LGALS9B: variants seen among roughly 807,000 people sequenced by gnomAD.
The protein encoded by LGALS9B is galectin 9B.
LGALS9B carries 8 observed loss-of-function variants against 35.9 expected under a neutral mutation model. That is an observed-to-expected ratio of 0.22 (90% CI 0.13 to 0.40). LGALS9B has a LOEUF of 0.40. Among genes scored for constraint, LGALS9B ranks in the 10% least tolerant of loss-of-function variants. The probability of loss-of-function intolerance (pLI) is 1.00; values close to 1 mark genes in which losing one functional copy is unlikely to be tolerated. For synonymous variants in LGALS9B, 42 were observed against 148.6 expected (o/e 0.28, Z 5.22); for missense variants, 101 against 397.9 (o/e 0.25, Z 6.35).
chr17:20,465,966 C>T (rs1283867267), intron 1 of LGALS9B, among the ~76,000 whole-genome samples: 1 of 147,784 alleles, frequency 6.8e-6, no homozygotes, highest in Non-Finnish European at 1.5e-5. Flanking sequence ...CTCCAAGGCC[C>T]CGCTTTAACT....
In LGALS9B at chr17:20,451,492, G is replaced by C. The variant is rs776708602; in HGVS notation, c.913C>G (p.Gln305Glu). ...CTGCGGCGCCTTACCGAGAAGCTCT[G>C]GCCTCGGACGAAGGGCATTTTTCGG... ...LPRKMPFVRG[Q>E]SFSVWILCEA... Residue 305 changes from glutamine (Q) to glutamate (E), a missense_variant, in exon 10 of 11, where the codon CAG (glutamine) becomes GAG (glutamate). Transcript: ENST00000423676. 4.6e-6 allele frequency: 7 copies of C among 1,524,894 alleles called. No homozygotes were observed. The East Asian group carries it at 1.6e-4, about 35-fold the overall frequency. 94.5% of individuals were successfully genotyped at this position (1,524,894 alleles called of 1,614,324 possible).
Position 20,455,467 on chromosome 17 carries a change from G to A in LGALS9B, c.445-69C>T. The A allele has an allele frequency of 1.8e-6, 2 of 1,109,616 alleles. 1 individual carries two copies. The highest frequency in any genetic ancestry group is 2.6e-6 in the Non-Finnish European group (2 of 769,368). 68.7% of individuals were successfully genotyped at this position (1,109,616 alleles called of 1,614,324 possible). A position where few individuals can be genotyped will look rare whatever the true frequency, so the allele number is the denominator to read the frequency against. On this transcript the variant is annotated intron_variant, in intron 4 of 10. Transcript: ENST00000423676. The stretch of plus-strand genomic sequence containing the variant: ...AGAGCCAAGGAGAAGCCGAAAGGCA[G>A]ATGCAGGGGCAGGAGGCAGAGAACA...
intron 1 of LGALS9B, among the ~76,000 whole-genome samples, chr17:20,464,952 G>A (rs1420032199): frequency 1.4e-4 from 21 of 152,094 alleles, no homozygotes; most frequent in Admixed American, 1.2e-3. Context: ...CTGAGAGGAC[G>A]GGGTGCGATG....
At chr17:20,461,812 T>G (rs1371694962) in intron 1 of LGALS9B, among the ~76,000 whole-genome samples, 1 of 63,906 alleles carries the variant, frequency 1.6e-5, no homozygotes, top group African/African-American at 9.3e-5. Context: ...TTTTTTTTTT[T>G]GTAAAACTTT....
At chr17:20,455,698 C>T (rs1342423204) in intron 4 of LGALS9B, among the ~76,000 whole-genome samples, 6 of 150,528 alleles carry the variant, frequency 4.0e-5, no homozygotes, top group African/African-American at 9.7e-5. Context: ...GCCTACTGTG[C>T]ACTTCGCTCA....
chr17:20,451,070 ACT>A (rs1353865768), intron 10 of LGALS9B, among the ~76,000 whole-genome samples: 11 of 150,082 alleles, frequency 7.3e-5, no homozygotes, highest in African/African-American at 2.4e-4. Flanking sequence ...TAAATTGTAA[ACT>A]CTCTGGAGGA....
At chr17:20,466,329 C>G (rs919631974) in intron 1 of LGALS9B, among the ~76,000 whole-genome samples, 1 of 151,690 alleles carries the variant, frequency 6.6e-6, no homozygotes, top group Non-Finnish European at 1.5e-5. Flanking sequence ...GCTCTGCAGA[C>G]CAGAACATAG....
intron 1 of LGALS9B, among the ~76,000 whole-genome samples, chr17:20,466,481 G>A (rs1043420310): frequency 5.6e-5 from 8 of 144,140 alleles, no homozygotes; most frequent in Non-Finnish European, 1.2e-4. Context: ...ACTCAGGAAG[G>A]GCCCATCAGC....
Position 20,450,329 on chromosome 17 carries a change from A to T in LGALS9B, c.925-210T>A. Among the ~76,000 whole-genome samples, 2 of 139,878 alleles carry T rather than the reference A, an allele frequency of 1.4e-5. 1 individual carries two copies. The allele number at this position is 139,878 out of a possible 152,430, so 91.8% of individuals were successfully genotyped here. ...TGGCCTAGAATACTGTTCCCACGAC[A>T]TCAGGGACAGGAGCACTGGCCTGTG... On this transcript the variant is annotated intron_variant, in intron 10 of 10. Coordinates refer to ENST00000423676, the MANE Select transcript of LGALS9B (RefSeq NM_001367292.2).
chr17:20,454,423 C>T (rs1181671168), intron 5 of LGALS9B, among the ~76,000 whole-genome samples: 2 of 151,754 alleles, frequency 1.3e-5, no homozygotes, highest in Admixed American at 6.6e-5. Flanking sequence ...TCCCTGGCTG[C>T]GAAAACCACA....
intron 1 of LGALS9B, among the ~76,000 whole-genome samples, chr17:20,464,781 C>T (rs57160177): frequency 0.05 from 7,554 of 151,826 alleles, 568 homozygotes; most frequent in African/African-American, 0.17. Flanking sequence ...ACTTGACCTG[C>T]CTGTGCCCCA....
At chr17:20,451,060 T>C (rs2042644190) in intron 10 of LGALS9B, among the ~76,000 whole-genome samples, 2 of 151,026 alleles carry the variant, frequency 1.3e-5, no homozygotes, top group South Asian at 4.2e-4. Flanking sequence ...TTCCCCCAGC[T>C]AAATTGTAAA....
At chr17:20,460,287 A>C (rs2042717151) in intron 2 of LGALS9B, 65 bp downstream of exon 2, 1 of 1,610,310 alleles carries the variant, frequency 6.2e-7, no homozygotes, top group Admixed American at 1.7e-5. Flanking sequence ...ACCGAGGCTC[A>C]CAGGCACAGT....
At chr17:20,451,381 G>A (rs2042647099) in intron 10 of LGALS9B, 100 bp downstream of exon 10, 1 of 611,358 alleles carries the variant, frequency 1.6e-6, no homozygotes, top group East Asian at 2.8e-5. Flanking sequence ...TCATCCCAGA[G>A]GCATCAGCTT....
intron 1 of LGALS9B, among the ~76,000 whole-genome samples, chr17:20,464,762 G>A (rs542358492): frequency 4.0e-5 from 6 of 151,744 alleles, no homozygotes; most frequent in Admixed American, 3.9e-4. Context: ...TTCTGACACT[G>A]GCCAAGTCAC....
At chr17:20,456,098 A>G (rs975072444) in intron 4 of LGALS9B, among the ~76,000 whole-genome samples, 6 of 150,940 alleles carry the variant, frequency 4.0e-5, no homozygotes, top group African/African-American at 1.5e-4. Context: ...CCATTGTGTG[A>G]CCTCTGATAT....
chr17:20,459,122 GA>G (rs1246118101), intron 2 of LGALS9B, among the ~76,000 whole-genome samples: 8 of 142,902 alleles, frequency 5.6e-5, no homozygotes, highest in South Asian at 2.3e-4. Flanking sequence ...TGTCTCTAAA[GA>G]AAAAAATAAA....
At chr17:20,464,426 G>A (rs1301463787) in intron 1 of LGALS9B, among the ~76,000 whole-genome samples, 2 of 150,682 alleles carry the variant, frequency 1.3e-5, no homozygotes, top group Non-Finnish European at 3.0e-5. Flanking sequence ...AAAGATGGCA[G>A]GAGGGGTCAT....
intron 1 of LGALS9B, among the ~76,000 whole-genome samples, chr17:20,464,176 C>T (rs2042745780): frequency 6.8e-6 from 1 of 147,848 alleles, no homozygotes; most frequent in Admixed American, 6.8e-5. Context: ...CAGCTCACTG[C>T]AGCCTCCACT....
Sources: allele counts gnomAD v4.1 joint callset (sites outside exome capture counted in the v4.1 genomes callset), GRCh38; gene constraint gnomAD v4.1.1; transcripts MANE v1.5; gene names NCBI Gene and HGNC (gene_info 2026-07-23, HGNC 2026-07-21).